The following STARD13 variants were observed in gnomAD, a reference collection of about 807,000 sequenced individuals.
STARD13 encodes the protein stAR-related lipid transfer protein 13.
A neutral mutation model predicts 106.4 loss-of-function variants in STARD13; 62 were observed. The observed-to-expected ratio is 0.58, with a 90% confidence interval of 0.48 to 0.72. The LOEUF (loss-of-function observed/expected upper bound fraction) is 0.72. STARD13 is among the 30% of genes least tolerant of loss of function. The probability of loss-of-function intolerance (pLI) is 0.00; values close to 1 mark genes in which losing one functional copy is unlikely to be tolerated. For missense variants in STARD13, 1,387 were observed against 1,424.0 expected, an observed-to-expected ratio of 0.97 and a Z score of 0.42; for synonymous variants, 565 against 553.0, an observed-to-expected ratio of 1.02 and a Z score of -0.31.
Position 33,130,415 on chromosome 13 carries a change from T to A in STARD13, c.388-126A>T. The A allele has an allele frequency of 1.1e-6, 1 of 876,094 alleles. No individual in the cohort carries two copies. The highest frequency in any genetic ancestry group is 1.7e-6 in the Non-Finnish European group (1 of 576,352). The allele number at this position is 876,094 out of a possible 1,614,324, so 54.3% of individuals were successfully genotyped here. ...CCCTCTGTCCTCCCATGCACAGGTG[T>A]GAGCTTCTTGGGCACCTCTAAGCTG... is the stretch of plus-strand genomic sequence containing the variant. On this transcript the variant is annotated intron_variant, in intron 4 of 13. Transcript: ENST00000336934. This position sits in a 1 kb window ranked among gnomAD's most constrained non-coding sequence, Gnocchi z 4.1.
chr13:33,118,225 G>A lies in STARD13; in HGVS notation c.2121C>T (p.Ile707=), dbSNP rs563921175. The change falls in exon 8 of 14, where the codon ATC becomes ATT. Residue 707 remains isoleucine, a synonymous_variant. Transcript: ENST00000336934. ...TTTCATTCATTTGGCGAAGGGCATG[G>A]ATTCGAGACTTCACTCCTGATTTGC... ...LFRKSGVKSR[I]HALRQMNENF... 5 of 1,614,206 alleles carry A rather than the reference G, an allele frequency of 3.1e-6. No individual in the cohort carries two copies. In the Admixed American group the frequency reaches 5.0e-5, roughly 16 times the overall value.
At chr13:33,606,142 A>G in the STARD13 span, among the ~76,000 whole-genome samples, 1 of 152,150 alleles carries the variant, frequency 6.6e-6, no homozygotes, top group Middle Eastern at 3.2e-3. Flanking sequence ...TCTACTAAAA[A>G]TAACAAAAAT....
chr13:33,350,572 G>C (rs755281769), exon 1 of STARD13: 12 of 1,392,198 alleles, frequency 8.6e-6, no homozygotes, highest in Non-Finnish European at 1.1e-5. Context: ...GCGCTGGGAG[G>C]CTGCGCCACG....
chr13:33,231,268 T>C (rs1482863706), intron 1 of STARD13, among the ~76,000 whole-genome samples: 3 of 152,164 alleles, frequency 2.0e-5, no homozygotes, highest in African/African-American at 7.2e-5. Context: ...CATAAGGCCC[T>C]GGACAGGGTG....
Position 33,130,374 on chromosome 13 carries a change from G to A in STARD13, c.388-85C>T. The A allele has an allele frequency of 2.3e-6, 3 of 1,332,918 alleles. No individual in the cohort carries two copies. The highest frequency in any genetic ancestry group is 1.4e-5 in the South Asian group (1 of 73,644). The allele number at this position is 1,332,918 out of a possible 1,614,324, so 82.6% of individuals were successfully genotyped here. A position where few individuals can be genotyped will look rare whatever the true frequency, so the allele number is the denominator to read the frequency against. ...GGTGCTCTGAGGGCAGCCCTGTGTGGTCCTCCACCTCCCTCCCCTCTGTCC... is the reference window on the plus strand; with the variant it reads ...GGTGCTCTGAGGGCAGCCCTGTGTGATCCTCCACCTCCCTCCCCTCTGTCC... On this transcript the variant is annotated intron_variant, in intron 4 of 13. Transcript: ENST00000336934. This position sits in a 1 kb window ranked among gnomAD's most constrained non-coding sequence, Gnocchi z 4.1.
At chr13:33,658,813 T>A in the STARD13 span, among the ~76,000 whole-genome samples, 39 of 151,840 alleles carry the variant, frequency 2.6e-4, no homozygotes, top group African/African-American at 8.7e-4. Flanking sequence ...AGAGAGAGAG[T>A]TGGGACTTTC....
At chr13:33,185,855 T>G in intron 1 of STARD13, 4 of 1,613,278 alleles carry the variant, frequency 2.5e-6, no homozygotes, top group Non-Finnish European at 3.4e-6. Context: ...TGTACCCACA[T>G]GCCCTTCTGA....
At chr13:33,645,278 G>A in the STARD13 span, among the ~76,000 whole-genome samples, 4 of 152,148 alleles carry the variant, frequency 2.6e-5, no homozygotes. Flanking sequence ...GCCTTCTTGA[G>A]GCCTGGAAAC....
At chr13:33,179,667 C>T (rs797213) in intron 1 of STARD13, among the ~76,000 whole-genome samples, 68,438 of 151,946 alleles carry the variant, frequency 0.45, 15,705 homozygotes, top group African/African-American at 0.54. Context: ...GTGGGTCCTA[C>T]CCTGTAGGTC....
the STARD13 span, among the ~76,000 whole-genome samples, chr13:33,570,468 G>A: frequency 6.8e-6 from 1 of 147,872 alleles, no homozygotes; most frequent in Non-Finnish European, 1.5e-5. Flanking sequence ...ACTTTTCTTG[G>A]CAAGAGCATT....
the STARD13 span, among the ~76,000 whole-genome samples, chr13:33,638,538 G>A: frequency 6.6e-6 from 1 of 152,036 alleles, no homozygotes; most frequent in Non-Finnish European, 1.5e-5. Context: ...TTAAGATAAG[G>A]GATTGTAGAG....
At chr13:33,544,770 C>CTTTTTTTT in the STARD13 span, among the ~76,000 whole-genome samples, 1 of 108,720 alleles carries the variant, frequency 9.2e-6, no homozygotes. Flanking sequence ...TGTTTTTTCT[C>CTTTTTTTT]TTTTTTTTTT....
intron 7 of STARD13, among the ~76,000 whole-genome samples, chr13:33,125,557 G>A (rs979688101): frequency 2.6e-5 from 4 of 151,880 alleles, no homozygotes; most frequent in Non-Finnish European, 5.9e-5. Flanking sequence ...ATTTGACTTA[G>A]CTGATACTTT....
the STARD13 span, among the ~76,000 whole-genome samples, chr13:33,624,031 C>A: frequency 6.6e-6 from 1 of 152,166 alleles, no homozygotes; most frequent in African/African-American, 2.4e-5. Flanking sequence ...AAATAAATTA[C>A]AAACATTTTG....
chr13:33,651,532 A>G, the STARD13 span, among the ~76,000 whole-genome samples: 1 of 152,216 alleles, frequency 6.6e-6, no homozygotes, highest in Non-Finnish European at 1.5e-5. Context: ...ATATGATTTG[A>G]TCATTCTAAC....
At chr13:33,508,558 G>A in the STARD13 span, among the ~76,000 whole-genome samples, 3 of 152,118 alleles carry the variant, frequency 2.0e-5, no homozygotes, top group African/African-American at 4.8e-5. Flanking sequence ...GCACTGAAGC[G>A]AACCCTAACC....
intron 1 of STARD13, among the ~76,000 whole-genome samples, chr13:33,309,758 C>T (rs1893060660): frequency 6.6e-6 from 1 of 152,152 alleles, no homozygotes; most frequent in South Asian, 2.1e-4. Context: ...GCAGAAAAGA[C>T]AGCAGGAAAT....
the STARD13 span, among the ~76,000 whole-genome samples, chr13:33,469,882 T>C: frequency 6.6e-6 from 1 of 151,726 alleles, no homozygotes; most frequent in Non-Finnish European, 1.5e-5. Context: ...CTGTACAGCT[T>C]TTTTGTTTGT....
chr13:33,241,055 G>A (rs1236562441), intron 1 of STARD13, among the ~76,000 whole-genome samples: 2 of 152,170 alleles, frequency 1.3e-5, no homozygotes, highest in South Asian at 2.1e-4. Flanking sequence ...GATATCTTGT[G>A]TAGGGTGCCA....
Sources: allele counts gnomAD v4.1 joint callset (sites outside exome capture counted in the v4.1 genomes callset), GRCh38; gene constraint gnomAD v4.1.1; non-coding constraint Gnocchi (gnomAD v3.1); transcripts MANE v1.5; gene names NCBI Gene and HGNC (gene_info 2026-07-23, HGNC 2026-07-21).